The following B3GLCT variants were observed in gnomAD, a reference collection of about 807,000 sequenced individuals.
The protein encoded by B3GLCT is beta-1,3-glucosyltransferase.
In B3GLCT, 65 loss-of-function variants were observed where a neutral mutation model predicts 63.4. The observed-to-expected ratio is 1.03, with a 90% confidence interval of 0.84 to 1.26. The LOEUF (loss-of-function observed/expected upper bound fraction) is 1.26, where lower values mean the gene tolerates loss of function less well. Among genes scored for constraint, B3GLCT ranks in the 50% most tolerant of loss-of-function variants. The probability of loss-of-function intolerance (pLI) is 0.00; values close to 1 mark genes in which losing one functional copy is unlikely to be tolerated. For synonymous variants in B3GLCT, 233 were observed against 219.2 expected (o/e 1.06, Z -0.55); for missense variants, 577 against 604.8 (o/e 0.95, Z 0.48).
At chr13:31,325,101 G>A (rs1435781694) in intron 14 of B3GLCT, among the ~76,000 whole-genome samples, 2 of 152,090 alleles carry the variant, frequency 1.3e-5, no homozygotes, top group African/African-American at 2.4e-5. Context: ...AAAACAACTC[G>A]AATAAGACTA....
chr13:31,269,437 T>G (rs1363968224), intron 8 of B3GLCT, among the ~76,000 whole-genome samples, 160 bp downstream of exon 8: 1 of 152,204 alleles, frequency 6.6e-6, no homozygotes, highest in Admixed American at 6.5e-5. Flanking sequence ...GTGCTTTTAT[T>G]TTAAGCTCAT....
At chr13:31,247,736 G>GA in intron 5 of B3GLCT, 119 bp from the exon 6 acceptor site, 2 of 583,976 alleles carry the variant, frequency 3.4e-6, no homozygotes, top group East Asian at 2.9e-5. Context: ...AAAATATAGA[G>GA]AAAAAAATTA....
At chr13:31,315,002 G>A (rs926938394) in intron 12 of B3GLCT, among the ~76,000 whole-genome samples, 13 of 152,128 alleles carry the variant, frequency 8.5e-5, no homozygotes, top group Non-Finnish European at 1.8e-4. Flanking sequence ...CTGCCACCAT[G>A]TAAGAAATGC....
intron 1 of B3GLCT, among the ~76,000 whole-genome samples, chr13:31,212,382 C>A (rs1211174564): frequency 6.7e-6 from 1 of 148,856 alleles, no homozygotes; most frequent in African/African-American, 2.5e-5. Flanking sequence ...TCAAGCGATT[C>A]TCCTGCCTCA....
At chr13:31,312,980 CA>C (rs1326323583) in intron 12 of B3GLCT, 1 of 152,230 alleles carries the variant, frequency 6.6e-6, no homozygotes, top group Non-Finnish European at 1.5e-5. Flanking sequence ...CAGAAACCAT[CA>C]ACATTGTCAG....
At chr13:31,310,182 G>A (rs2313819) in intron 12 of B3GLCT, among the ~76,000 whole-genome samples, 101,828 of 151,886 alleles carry the variant, frequency 0.67, 36,129 homozygotes, top group Middle Eastern at 0.8. Context: ...CCCCGATCCT[G>A]AGCCCATAAA....
At chr13:31,267,931 A>G (rs1872408742) in intron 7 of B3GLCT, among the ~76,000 whole-genome samples, 1 of 151,104 alleles carries the variant, frequency 6.6e-6, no homozygotes, top group Admixed American at 6.6e-5. Flanking sequence ...GCCTTCAACT[A>G]CTAGGCTCAA....
At chr13:31,253,299 A>C (rs1216415627) in intron 6 of B3GLCT, among the ~76,000 whole-genome samples, 1 of 152,158 alleles carries the variant, frequency 6.6e-6, no homozygotes, top group Non-Finnish European at 1.5e-5. Context: ...CACAATTAAA[A>C]GAATAGAGAA....
At chr13:31,247,352 C>T (rs1054796277) in intron 5 of B3GLCT, among the ~76,000 whole-genome samples, 2 of 152,120 alleles carry the variant, frequency 1.3e-5, no homozygotes, top group Admixed American at 1.3e-4. Flanking sequence ...GACTTGGCTC[C>T]TGCAAGCTCT....
Position 31,215,032 on chromosome 13 carries a change from C to CTT in B3GLCT, c.71-6_71-5dup. The CTT allele has an allele frequency of 8.8e-6, 11 of 1,255,794 alleles. No homozygotes were observed. The highest frequency in any genetic ancestry group is 1.5e-5 in the African/African-American group (1 of 66,652). 77.8% of individuals were successfully genotyped at this position (1,255,794 alleles called of 1,614,324 possible). A position where few individuals can be genotyped will look rare whatever the true frequency, so the allele number is the denominator to read the frequency against. ...TGCTAATTCTAAGGTAGAAATATTT[C>CTT]TTTTTTTTTTTTTTCCAGCTTTTGG... On this transcript the variant is annotated intron_variant, in intron 1 of 14. Coordinates refer to ENST00000343307, the MANE Select transcript of B3GLCT (RefSeq NM_194318.4).
intron 12 of B3GLCT, among the ~76,000 whole-genome samples, chr13:31,297,885 A>G (rs1874037086): frequency 6.6e-6 from 1 of 152,142 alleles, no homozygotes; most frequent in Admixed American, 6.5e-5. Flanking sequence ...AGATGAAGAG[A>G]TGTGTAGGGT....
chr13:31,266,153 A>T (rs942858236), intron 7 of B3GLCT, among the ~76,000 whole-genome samples: 2 of 152,002 alleles, frequency 1.3e-5, no homozygotes, highest in African/African-American at 2.4e-5. Flanking sequence ...GCCCGCCACC[A>T]CACCCGCCTA....
chr13:31,226,422 A>G (rs1199897599), intron 3 of B3GLCT, among the ~76,000 whole-genome samples: 2 of 152,154 alleles, frequency 1.3e-5, no homozygotes, highest in Non-Finnish European at 2.9e-5. Context: ...GACAGATACA[A>G]CTCACAGGAC....
intron 13 of B3GLCT, among the ~76,000 whole-genome samples, chr13:31,321,487 T>G (rs1875326922): frequency 6.6e-6 from 1 of 152,242 alleles, no homozygotes; most frequent in Non-Finnish European, 1.5e-5. Flanking sequence ...GCATTCCATG[T>G]CATAAGGGTA....
chr13:31,246,215 TGGG>T (rs1021573446), intron 4 of B3GLCT, among the ~76,000 whole-genome samples: 1 of 152,190 alleles, frequency 6.6e-6, no homozygotes, highest in Non-Finnish European at 1.5e-5. Context: ...TAAAGTTTGT[TGGG>T]GGAGGAGGTT....
chr13:31,224,147 G>T (rs938436431), intron 3 of B3GLCT, among the ~76,000 whole-genome samples: 2 of 152,172 alleles, frequency 1.3e-5, no homozygotes, highest in African/African-American at 4.8e-5. Flanking sequence ...CCACAGGGGA[G>T]TGTTTTGGGG....
intron 1 of B3GLCT, among the ~76,000 whole-genome samples, chr13:31,201,691 TATATA>T (rs1868676947): frequency 6.6e-6 from 1 of 152,216 alleles, no homozygotes; most frequent in African/African-American, 2.4e-5. Flanking sequence ...ATAATATTTG[TATATA>T]ATATATACAA....
At chr13:31,255,005 C>T (rs1379660878) in intron 6 of B3GLCT, among the ~76,000 whole-genome samples, 1 of 150,088 alleles carries the variant, frequency 6.7e-6, no homozygotes, top group Non-Finnish European at 1.5e-5. Context: ...CCACTGCACT[C>T]CCGCCCAGGT....
chr13:31,272,376 G>A (rs936484311), intron 8 of B3GLCT, among the ~76,000 whole-genome samples: 5 of 151,648 alleles, frequency 3.3e-5, no homozygotes, highest in Non-Finnish European at 5.9e-5. Flanking sequence ...CACCATGCCC[G>A]GCTAATTTTT....
Sources: gnomAD v4.1 joint callset for allele counts (sites outside exome capture counted in the v4.1 genomes callset) on GRCh38, gnomAD v4.1.1 for gene constraint, MANE v1.5 for transcripts, NCBI Gene and HGNC (gene_info 2026-07-23, HGNC 2026-07-21) for gene names.